The following LCA5 variants were observed in gnomAD, a reference collection of about 807,000 sequenced individuals.
LCA5 encodes the protein lebercilin LCA5.
In LCA5, 37 loss-of-function variants were observed where a neutral mutation model predicts 53.0. The observed-to-expected ratio is 0.70, with a 90% confidence interval of 0.54 to 0.92. The LOEUF is 0.92. Ranked by LOEUF, LCA5 falls within the 40% of genes least tolerant of loss-of-function variation. LCA5 has a pLI of 0.00. For synonymous variants in LCA5, 303 were observed against 282.9 expected (o/e 1.07, Z -0.71); for missense variants, 806 against 790.5 (o/e 1.02, Z -0.23).
intron 3 of LCA5, among the ~76,000 whole-genome samples, chr6:79,497,324 T>G (rs542357724): frequency 2.0e-5 from 3 of 152,158 alleles, no homozygotes; most frequent in African/African-American, 4.8e-5. Flanking sequence ...GTTAGACAAG[T>G]TGAGCAACAC....
rs561239798 is a variant in LCA5, at chr6:79,486,831, C to T, written c.*173G>A. The stretch of plus-strand genomic sequence containing the variant: ...AAAAGCCTCCTTCATTCTTGGCAAA[C>T]TATCTATGTGGTGTATGTATGATCT... On this transcript the variant is annotated 3_prime_UTR_variant, in exon 8 of 8. Coordinates refer to ENST00000369846, the MANE Select transcript of LCA5 (RefSeq NM_001122769.3). The T allele has an allele frequency of 5.7e-5, 29 of 508,516 alleles. No homozygotes were observed. The Admixed American group carries it at 1.0e-3, about 18-fold the overall frequency. 31.5% of individuals were successfully genotyped at this position (508,516 alleles called of 1,614,324 possible). A position where few individuals can be genotyped will look rare whatever the true frequency, so the allele number is the denominator to read the frequency against.
intron 7 of LCA5, 66 bp downstream of exon 7, chr6:79,489,018 A>G: frequency 3.2e-6 from 5 of 1,558,948 alleles, no homozygotes; most frequent in Non-Finnish European, 3.5e-6. Flanking sequence ...ATATTAGAAG[A>G]CGCTCACTCT....
chr6:79,518,579 A>G, intron 2 of LCA5, 126 bp downstream of exon 2: 1 of 849,070 alleles, frequency 1.2e-6, no homozygotes, highest in South Asian at 1.4e-5. Context: ...TATAAAACGT[A>G]AATCAGCCCA....
intron 1 of LCA5, among the ~76,000 whole-genome samples, chr6:79,530,356 A>C (rs1766921591): frequency 1.3e-5 from 2 of 152,084 alleles, no homozygotes; most frequent in African/African-American, 4.8e-5. Flanking sequence ...GGGACTATTA[A>C]AGGGTGAAGG....
At chr6:79,530,832 G>A (rs1182501597) in intron 1 of LCA5, among the ~76,000 whole-genome samples, 1 of 151,574 alleles carries the variant, frequency 6.6e-6, no homozygotes, top group Non-Finnish European at 1.5e-5. Context: ...AAGCAAACAG[G>A]CAAATAGAAT....
chr6:79,527,171 G>A (rs1766816328), intron 1 of LCA5, among the ~76,000 whole-genome samples: 1 of 152,098 alleles, frequency 6.6e-6, no homozygotes, highest in Non-Finnish European at 1.5e-5. Context: ...AACAGCAGCA[G>A]ATTCACTCTA....
intron 7 of LCA5, chr6:79,488,707 A>G: frequency 2.9e-6 from 1 of 347,846 alleles, no homozygotes; most frequent in East Asian, 5.0e-5. Flanking sequence ...TTCTTTAGCT[A>G]TTCTTGCCAC....
intron 3 of LCA5, among the ~76,000 whole-genome samples, chr6:79,501,294 A>T (rs2127673358): frequency 6.6e-6 from 1 of 152,248 alleles, no homozygotes; most frequent in African/African-American, 2.4e-5. Flanking sequence ...TCAAGAACAT[A>T]TCCATCCATT....
At chr6:79,529,567 T>C (rs1435423145) in intron 1 of LCA5, among the ~76,000 whole-genome samples, 2 of 152,050 alleles carry the variant, frequency 1.3e-5, no homozygotes, top group Non-Finnish European at 2.9e-5. Context: ...AAGGGTAACC[T>C]TGTGAGGGGT....
chr6:79,507,169 C>G (rs1292135096), intron 3 of LCA5, among the ~76,000 whole-genome samples: 1 of 152,002 alleles, frequency 6.6e-6, no homozygotes, highest in African/African-American at 2.4e-5. Context: ...GAAGCAGAAG[C>G]AGATATGAGG....
chr6:79,522,124 T>C (rs1181753748), intron 1 of LCA5, among the ~76,000 whole-genome samples: 1 of 152,110 alleles, frequency 6.6e-6, no homozygotes, highest in East Asian at 1.9e-4. Flanking sequence ...CACACATGCA[T>C]CTTGCCTATA....
intron 1 of LCA5, among the ~76,000 whole-genome samples, chr6:79,533,249 T>C (rs917863829): frequency 1.3e-5 from 2 of 152,098 alleles, no homozygotes; most frequent in African/African-American, 4.8e-5. Flanking sequence ...AAAAGTGATC[T>C]TAGATTAACA....
chr6:79,487,492 C>T lies in LCA5; in HGVS notation c.1606G>A (p.Gly536Ser). 1 of 1,614,002 alleles carries T rather than the reference C, an allele frequency of 6.2e-7. No homozygotes were observed. Among genetic ancestry groups the T allele is most frequent in the Non-Finnish European group, 8.5e-7 (1 of 1,179,932 alleles). ...DISFSTPKGE[G>S]QNSGNVRSPA... ...CTTCTAACATTTCCTGAATTCTGAC[C>T]TTCTCCTTTTGGAGTTGAGAAACTG... Residue 536 changes from glycine to serine, a missense_variant, in exon 8 of 8, where the codon GGT becomes AGT. By Grantham distance (56) the Gly-to-Ser change is moderately conservative. Transcript: ENST00000369846.
intron 3 of LCA5, among the ~76,000 whole-genome samples, chr6:79,506,075 T>TGA (rs1329631529): frequency 6.6e-6 from 1 of 152,162 alleles, no homozygotes; most frequent in East Asian, 1.9e-4. Context: ...TACCAATCTC[T>TGA]TATAGTAAAA....
At chr6:79,487,948 C>T in intron 7 of LCA5, 82 bp from the exon 8 acceptor site, 3 of 1,066,884 alleles carry the variant, frequency 2.8e-6, no homozygotes, top group South Asian at 1.5e-5. Flanking sequence ...TTCATAAAAC[C>T]ACCATATTTA....
In LCA5 at chr6:79,493,768, T is replaced by C. The variant is rs530845285; in HGVS notation, c.721-18A>G. 5 of 1,589,060 alleles carry C rather than the reference T, an allele frequency of 3.1e-6. No individual in the cohort carries two copies. Among genetic ancestry groups the C allele is most frequent in the Non-Finnish European group, 3.4e-6 (4 of 1,165,536 alleles). On this transcript the variant is annotated intron_variant, in intron 3 of 7. Coordinates refer to ENST00000369846, the MANE Select transcript of LCA5 (RefSeq NM_001122769.3). ...GATAGCTCCTATATGTATAAATACA[T>C]AAAAAGCAGTCCTTTAAAAAAATTC...
At chr6:79,509,306 T>A (rs1465779560) in intron 3 of LCA5, among the ~76,000 whole-genome samples, 3 of 151,902 alleles carry the variant, frequency 2.0e-5, no homozygotes, top group Non-Finnish European at 2.9e-5. Context: ...ATACAAAAAT[T>A]AGCCGGGCAT....
chr6:79,520,627 G>A (rs1766598946), intron 1 of LCA5, among the ~76,000 whole-genome samples: 1 of 152,094 alleles, frequency 6.6e-6, no homozygotes, highest in Admixed American at 6.5e-5. Flanking sequence ...GAAAGGACAT[G>A]CACAAGGCAG....
In LCA5 at chr6:79,489,100, A is replaced by C. The variant is rs41270545; in HGVS notation, c.1215T>G (p.Val405=). 6.9e-4 allele frequency: 1,113 copies of C among 1,613,294 alleles called. 2 individuals are homozygous for C. The highest frequency in any genetic ancestry group is 8.8e-4 in the Non-Finnish European group (1,038 of 1,179,784). ...DEELHVVKQE[V]EKLEDEWERE... is the part of the protein sequence containing the mutation. The stretch of plus-strand genomic sequence containing the variant: ...TTTTCTTACCATCCTCCAGCTTTTC[A>C]ACCTCCTGTTTTACGACATGGAGTT... Residue 405 remains valine, a synonymous_variant, in exon 7 of 8, where the codon GTT becomes GTG. Transcript: ENST00000369846.
Sources: gnomAD v4.1 joint callset for allele counts (sites outside exome capture counted in the v4.1 genomes callset) on GRCh38, gnomAD v4.1.1 for gene constraint, MANE v1.5 for transcripts, NCBI Gene and HGNC (gene_info 2026-07-23, HGNC 2026-07-21) for gene names.